Variants in FAM98B observed in about 807,000 individuals in gnomAD.
FAM98B encodes tRNA-splicing ligase complex subunit FAM98B.
In FAM98B, 32 loss-of-function variants were observed where a neutral mutation model predicts 43.9. The observed-to-expected ratio is 0.73, with a 90% CI of 0.55 to 0.98. The LOEUF (loss-of-function observed/expected upper bound fraction) is 0.98. Among genes scored for constraint, FAM98B ranks in the 50% least tolerant of loss-of-function variants. The pLI is 0.00. For missense variants in FAM98B, 514 were observed against 522.9 expected (o/e 0.98, Z 0.17); for synonymous variants, 190 against 174.0 (o/e 1.09, Z -0.72).
intron 6 of FAM98B, among the ~76,000 whole-genome samples, chr15:38,475,810 G>T (rs1245715131): frequency 6.6e-6 from 1 of 152,222 alleles, no homozygotes; most frequent in Admixed American, 6.5e-5. Flanking sequence ...TTACAAAGGG[G>T]CTTCTAAATG....
At chr15:38,460,105 A>T (rs1351702252) in intron 1 of FAM98B, among the ~76,000 whole-genome samples, 1 of 152,206 alleles carries the variant, frequency 6.6e-6, no homozygotes, top group East Asian at 1.9e-4. Context: ...AGCTTGAAGT[A>T]GTGTCTGACC....
At chr15:38,481,607 A>AT in intron 7 of FAM98B, 148 bp downstream of exon 7, 1 of 1,593,342 alleles carries the variant, frequency 6.3e-7, no homozygotes. Context: ...TAGTTATGTT[A>AT]TTTTTGTGTA....
intron 3 of FAM98B, among the ~76,000 whole-genome samples, chr15:38,467,110 G>C (rs1890046823): frequency 6.6e-6 from 1 of 151,898 alleles, no homozygotes; most frequent in East Asian, 1.9e-4. Flanking sequence ...TGCTTACTTA[G>C]ACAAAGATTA....
chr15:38,466,627 TGAG>T (rs1890037268), intron 3 of FAM98B, among the ~76,000 whole-genome samples: 1 of 152,102 alleles, frequency 6.6e-6, no homozygotes, highest in African/African-American at 2.4e-5. Flanking sequence ...AGGGCGGTGA[TGAG>T]GAGTTAGTGT....
At chr15:38,483,559 G>C (rs948782742) in intron 7 of FAM98B, 1 of 150,826 alleles carries the variant, frequency 6.6e-6, no homozygotes, top group South Asian at 2.1e-4. Context: ...CCAACTACTC[G>C]GGGGGCTGAG....
intron 3 of FAM98B, among the ~76,000 whole-genome samples, chr15:38,469,962 A>T (rs1395622511): frequency 1.3e-5 from 2 of 152,076 alleles, no homozygotes; most frequent in Non-Finnish European, 2.9e-5. Context: ...TTTACAGTGT[A>T]AATGCATTTA....
chr15:38,473,541 G>T lies in FAM98B; in HGVS notation c.568G>T (p.Val190Leu), dbSNP rs1455732514. 6 of 1,610,694 alleles carry T rather than the reference G, an allele frequency of 3.7e-6. No individual in the cohort carries two copies. Among genetic ancestry groups the T allele is most frequent in the Non-Finnish European group, 5.1e-6 (6 of 1,178,662 alleles). ...DILSKVQKNH[V>L]GKPLLKMDLN... is the part of the protein sequence containing the mutation. ...TCTCTCAAAGGTCCAGAAAAATCAT[G>T]TGGGAAAACCACTGCTGAAAATGGA... is the stretch of plus-strand genomic sequence containing the variant. The change falls in exon 5 of 8, where the codon GTG becomes TTG. Residue 190 changes from valine (V) to leucine (L), a missense_variant. By Grantham distance (32) the Val-to-Leu change is conservative. This residue lies in a region of FAM98B where 469 missense variants were observed against 451.8 expected (regional missense o/e 1.04). Coordinates refer to ENST00000397609, the MANE Select transcript of FAM98B (RefSeq NM_173611.4).
chr15:38,465,567 A>C (rs1691507377), intron 3 of FAM98B, among the ~76,000 whole-genome samples, 164 bp downstream of exon 3: 1 of 152,218 alleles, frequency 6.6e-6, no homozygotes, highest in African/African-American at 2.4e-5. Flanking sequence ...ATATAGTATA[A>C]ATTTTACCAG....
intron 6 of FAM98B, among the ~76,000 whole-genome samples, chr15:38,478,418 A>G (rs899763777): frequency 1.3e-5 from 2 of 152,080 alleles, no homozygotes; most frequent in Non-Finnish European, 2.9e-5. Flanking sequence ...GATTATATGC[A>G]TTTGTATACT....
chr15:38,471,371 C>G (rs1890128546), intron 4 of FAM98B, among the ~76,000 whole-genome samples: 1 of 152,000 alleles, frequency 6.6e-6, no homozygotes, highest in African/African-American at 2.4e-5. Flanking sequence ...ATAGAGTTAA[C>G]AAGTTACTCT....
intron 6 of FAM98B, among the ~76,000 whole-genome samples, chr15:38,476,427 T>C (rs1890201259): frequency 6.6e-6 from 1 of 152,086 alleles, no homozygotes; most frequent in Admixed American, 6.5e-5. Context: ...TTTCCTTTAT[T>C]ACTTTTTCCC....
intron 3 of FAM98B, among the ~76,000 whole-genome samples, chr15:38,469,389 A>G (rs1375392315): frequency 1.3e-5 from 2 of 152,238 alleles, no homozygotes; most frequent in Non-Finnish European, 2.9e-5. Context: ...ATGTGCTTAT[A>G]TATCAGTTAG....
intron 6 of FAM98B, among the ~76,000 whole-genome samples, chr15:38,476,215 T>G (rs1465357881): frequency 6.6e-6 from 1 of 152,210 alleles, no homozygotes; most frequent in African/African-American, 2.4e-5. Flanking sequence ...TTCATTGTTT[T>G]CAAGTATTTA....
At chr15:38,468,458 A>G (rs1890074020) in intron 3 of FAM98B, among the ~76,000 whole-genome samples, 1 of 152,198 alleles carries the variant, frequency 6.6e-6, no homozygotes, top group Non-Finnish European at 1.5e-5. Context: ...CCTGGGCCCA[A>G]GCTGTCCTCC....
At chr15:38,467,241 A>G (rs1407405811) in intron 3 of FAM98B, among the ~76,000 whole-genome samples, 1 of 152,176 alleles carries the variant, frequency 6.6e-6, no homozygotes, top group Non-Finnish European at 1.5e-5. Flanking sequence ...TTTTAATCAT[A>G]TTGATATAAT....
At chr15:38,466,858 T>C (rs1323029317) in intron 3 of FAM98B, among the ~76,000 whole-genome samples, 2 of 152,180 alleles carry the variant, frequency 1.3e-5, no homozygotes, top group African/African-American at 4.8e-5. Flanking sequence ...CTGTTTTCTG[T>C]GTACATACAC....
chr15:38,470,776 T>G (rs1226679295), intron 4 of FAM98B: 1 of 157,156 alleles, frequency 6.4e-6, no homozygotes, highest in Non-Finnish European at 1.4e-5. Context: ...TTTTAAAAAA[T>G]GGATGTTAAT....
Position 38,486,638 on chromosome 15 carries a change from C to G in FAM98B, c.*1979C>G, listed in dbSNP as rs1890377373. The G allele has an allele frequency of 6.6e-6, 1 of 152,114 alleles. No homozygotes were observed. The highest frequency in any genetic ancestry group is 1.5e-5 in the Non-Finnish European group (1 of 67,978). 9.4% of individuals were successfully genotyped at this position (152,114 alleles called of 1,614,324 possible). ...TTCCTATCAAAGTTTAGCACTTGCT[C>G]CTGGAATCGTGTTGGAGCTGAAACC... On this transcript the variant is annotated 3_prime_UTR_variant, in exon 8 of 8. Coordinates refer to ENST00000397609, the MANE Select transcript of FAM98B (RefSeq NM_173611.4).
intron 6 of FAM98B, among the ~76,000 whole-genome samples, chr15:38,479,868 G>T (rs1274638426): frequency 6.6e-6 from 1 of 152,136 alleles, no homozygotes; most frequent in African/African-American, 2.4e-5. Context: ...ATGAAATGTT[G>T]TGTCACTTTA....
Sources: allele counts gnomAD v4.1 joint callset (sites outside exome capture counted in the v4.1 genomes callset), GRCh38; gene constraint gnomAD v4.1.1; regional missense constraint gnomAD v4.1.1; transcripts MANE v1.5; gene names NCBI Gene and HGNC (gene_info 2026-07-23, HGNC 2026-07-21).